Variants in SEZ6 observed in about 807,000 individuals in gnomAD.
The protein encoded by SEZ6 is seizure protein 6 homolog.
SEZ6 carries 53 observed loss-of-function variants against 101.0 expected under a neutral mutation model. The observed-to-expected ratio is 0.52, with a 90% confidence interval of 0.42 to 0.66. The LOEUF is 0.66. Among genes scored for constraint, SEZ6 ranks in the 30% least tolerant of loss-of-function variants. The pLI is 0.00. For synonymous variants in SEZ6, 488 were observed against 512.2 expected (o/e 0.95, Z 0.64); for missense variants, 1,102 against 1,289.4 (o/e 0.85, Z 2.23).
intron 1 of SEZ6, among the ~76,000 whole-genome samples, chr17:28,989,228 G>C (rs771190584): frequency 6.6e-6 from 1 of 152,136 alleles, no homozygotes; most frequent in Non-Finnish European, 1.5e-5. Flanking sequence ...CACATTCCAG[G>C]ATCTAGTGAA....
chr17:28,970,201 G>A (rs2041131810), intron 3 of SEZ6, among the ~76,000 whole-genome samples: 1 of 152,180 alleles, frequency 6.6e-6, no homozygotes, highest in South Asian at 2.1e-4. Context: ...TAGCAGAACT[G>A]GGGTTTGTAA....
chr17:28,976,331 C>T (rs1005022492), intron 3 of SEZ6, among the ~76,000 whole-genome samples: 17 of 152,280 alleles, frequency 1.1e-4, no homozygotes, highest in East Asian at 7.7e-4. Flanking sequence ...CTGAAGGCCC[C>T]GGACTTGAGG....
chr17:28,999,361 T>G (rs2041584359), intron 1 of SEZ6, among the ~76,000 whole-genome samples: 1 of 152,158 alleles, frequency 6.6e-6, no homozygotes, highest in Non-Finnish European at 1.5e-5. Flanking sequence ...ATTCAGTCCC[T>G]GCTCATCTCC....
chr17:28,981,074 T>TTGTTTTGTGTTTTTTTTGTTTTTGTGTG (rs2041293509), intron 2 of SEZ6, among the ~76,000 whole-genome samples: 1 of 152,096 alleles, frequency 6.6e-6, no homozygotes, highest in Non-Finnish European at 1.5e-5. Flanking sequence ...TTTTGTATTT[T>TTGTTTTGTGTTTTTTTTGTTTTTGTGTG]TAGTAGAGAT....
chr17:28,999,996 T>C (rs2041593662), intron 1 of SEZ6, among the ~76,000 whole-genome samples: 1 of 152,258 alleles, frequency 6.6e-6, no homozygotes, highest in Admixed American at 6.5e-5. Flanking sequence ...AAGGGCTGTT[T>C]ATGTCTTGGG....
intron 3 of SEZ6, among the ~76,000 whole-genome samples, chr17:28,975,483 C>T (rs1162617082): frequency 6.6e-6 from 1 of 152,216 alleles, no homozygotes; most frequent in Non-Finnish European, 1.5e-5. Context: ...AACACTGAAA[C>T]CCCAGTCTTA....
At position 29,004,279 on chromosome 17, in the gene SEZ6, G is replaced by T. The variant is rs1031899943; in HGVS notation, c.55+1536C>A. 2.6e-5 allele frequency among the ~76,000 whole-genome samples: 4 copies of T among 152,302 alleles called. 1 individual carries two copies. On this transcript the variant is annotated intron_variant, in intron 1 of 16. Coordinates refer to ENST00000317338, the MANE Select transcript of SEZ6 (RefSeq NM_178860.5). ...CTGCGCCCCAGGGGAGCTGTCCAGC[G>T]CCAGGACCCATCAGGACCCAAGATA...
At chr17:28,987,279 G>A (rs548849689) in intron 1 of SEZ6, among the ~76,000 whole-genome samples, 68 of 152,260 alleles carry the variant, frequency 4.5e-4, no homozygotes, top group Middle Eastern at 6.8e-3. Context: ...CCTATTATCC[G>A]AGAACCTGAG....
chr17:28,974,783 G>A (rs1198289941), intron 3 of SEZ6, among the ~76,000 whole-genome samples: 1 of 152,216 alleles, frequency 6.6e-6, no homozygotes, highest in African/African-American at 2.4e-5. Context: ...ACTGGGAAAG[G>A]GCATCTGGGG....
rs1403983957 is a variant in SEZ6 at position 28,960,505 on chromosome 17, C to T, written c.1576G>A (p.Ala526Thr). 6.3e-7 allele frequency: 1 copy of T among 1,588,372 alleles called. No individual in the cohort carries two copies. The highest frequency in any genetic ancestry group is 1.3e-5 in the African/African-American group (1 of 74,446). The change falls in exon 7 of 17, where the codon GCC becomes ACC. Residue 526 changes from alanine to threonine, a missense_variant and splice_region_variant. Physicochemically the swap from Ala to Thr is moderately conservative, Grantham distance 58. Coordinates refer to ENST00000317338, the MANE Select transcript of SEZ6 (RefSeq NM_178860.5). ...CCCAGTGAGGCCCCAGCAGGCTCAC[C>T]CTCATAGCGCAGGGCCATGCCTGCA... ...AAAGMALRYEAFQQGHCYEPF... is the reference protein window; with the variant it reads ...AAAGMALRYETFQQGHCYEPF...
intron 4 of SEZ6, among the ~76,000 whole-genome samples, chr17:28,969,486 A>ATGAG (rs1427015087): frequency 6.6e-6 from 1 of 152,212 alleles, no homozygotes; most frequent in Non-Finnish European, 1.5e-5. Flanking sequence ...GAATGAATGA[A>ATGAG]TGAGGGACAA....
chr17:28,956,610 C>A (rs771426883), intron 14 of SEZ6, 109 bp downstream of exon 14: 26 of 1,516,718 alleles, frequency 1.7e-5, no homozygotes, highest in Non-Finnish European at 2.2e-5. Flanking sequence ...CTGCTAGGCC[C>A]AAACCTCTCT....
At chr17:28,962,545 G>C (rs930625180) in intron 5 of SEZ6, among the ~76,000 whole-genome samples, 7 of 152,256 alleles carry the variant, frequency 4.6e-5, no homozygotes, top group African/African-American at 1.7e-4. Flanking sequence ...TTGGGAGGCC[G>C]AGGCAGGTGG....
At chr17:28,963,899 G>C in intron 5 of SEZ6, 63 bp downstream of exon 5, 3 of 1,541,908 alleles carry the variant, frequency 1.9e-6, no homozygotes, top group Non-Finnish European at 2.6e-6. Flanking sequence ...GCAACAGAGA[G>C]CAGGGATGAG....
chr17:28,958,051 A>G lies in SEZ6; in HGVS notation c.2198T>C (p.Val733Ala). Residue 733 changes from valine (V) to alanine (A), a missense_variant, in exon 11 of 17, where the codon GTG (valine) becomes GCG (alanine). By Grantham distance (64) the Val-to-Ala change is moderately conservative (BLOSUM62 0). Coordinates refer to ENST00000317338, the MANE Select transcript of SEZ6 (RefSeq NM_178860.5). The part of the protein sequence containing the change: ...PSQPELVHGT[V>A]VTYQCYPGYQ... The stretch of plus-strand genomic sequence containing the variant: ...GCCAGGGTAGCACTGGTAAGTGACC[A>G]CGGTGCCGTGCACTAGCTCAGGCTG... 2 of 1,613,850 alleles carry G rather than the reference A, an allele frequency of 1.2e-6. No individual in the cohort carries two copies. Among genetic ancestry groups the G allele is most frequent in the East Asian group, 2.2e-5 (1 of 44,868 alleles).
At position 28,981,486 on chromosome 17, in the gene SEZ6, G is replaced by A. The variant is rs766328484; in HGVS notation, c.609C>T (p.Gly203=). The change falls in exon 2 of 17, where the codon GGC becomes GGT. Residue 203 remains glycine, a synonymous_variant. Transcript: ENST00000317338. The stretch of plus-strand genomic sequence containing the variant: ...TGGTCCCCTGGATCCCGATCCCTGC[G>A]CCCTGGGACACAACCTCTGCAACCC... The part of the protein sequence containing the change: ...RPWVAEVVSQ[G]AGIGIQGTIT... 3.1e-5 allele frequency: 49 copies of A among 1,595,766 alleles called. No individual in the cohort carries two copies. The highest frequency in any genetic ancestry group is 1.1e-4 in the Admixed American group (6 of 57,080).
rs868349167 is a variant in SEZ6, at chr17:28,956,749, C to A, written c.2701G>T (p.Asp901Tyr). The A allele has an allele frequency of 6.4e-7, 1 of 1,563,676 alleles. No homozygotes were observed. ...AGGCTGCGACTGTTGTAGAACCCATCCAGAGAGGCTGGAACAAAAGGGGAG... is the reference window on the plus strand; with the variant it reads ...AGGCTGCGACTGTTGTAGAACCCATACAGAGAGGCTGGAACAAAAGGGGAG... ...PPPICRAASLDGFYNSRSLDV... is the reference protein window; with the variant it reads ...PPPICRAASLYGFYNSRSLDV... The change falls in exon 14 of 17, where the codon GAT (aspartate) becomes TAT (tyrosine). Residue 901 changes from aspartate (D) to tyrosine (Y), a missense_variant. By Grantham distance (160) the Asp-to-Tyr change is radical. Transcript: ENST00000317338.
chr17:28,992,054 A>G (rs2041468507), intron 1 of SEZ6, among the ~76,000 whole-genome samples: 1 of 152,194 alleles, frequency 6.6e-6, no homozygotes, highest in Admixed American at 6.5e-5. Flanking sequence ...TGGCCTGGCT[A>G]CTACCCCAGA....
At chr17:28,993,868 A>T (rs1008221247) in intron 1 of SEZ6, among the ~76,000 whole-genome samples, 4 of 152,176 alleles carry the variant, frequency 2.6e-5, no homozygotes, top group African/African-American at 9.7e-5. Context: ...GAGCTGAATC[A>T]CCGGCCTGGC....
Sources: allele counts gnomAD v4.1 joint callset (sites outside exome capture counted in the v4.1 genomes callset), GRCh38; gene constraint gnomAD v4.1.1; transcripts MANE v1.5; gene names NCBI Gene and HGNC (gene_info 2026-07-23, HGNC 2026-07-21).